The following TTC4 variants were observed in gnomAD, a reference collection of about 807,000 sequenced individuals.
TTC4 encodes the protein hsp70/Hsp90 co-chaperone CNS1 homolog.
TTC4 carries 36 observed loss-of-function variants against 51.9 expected under a neutral mutation model. That is an observed-to-expected ratio of 0.69 (90% CI 0.53 to 0.92). The LOEUF (loss-of-function observed/expected upper bound fraction) is 0.92, where lower values mean the gene tolerates loss of function less well. Among genes scored for constraint, TTC4 ranks in the 40% least tolerant of loss-of-function variants. The pLI, the probability that TTC4 is intolerant of heterozygous loss-of-function variation, is 0.00. For missense variants in TTC4, 399 were observed against 454.6 expected (o/e 0.88, Z 1.11); for synonymous variants, 144 against 164.2 (o/e 0.88, Z 0.94).
rs886121610 is a variant in TTC4 at position 54,737,712 on chromosome 1, A to G, written c.1061+48A>G. 1.2e-5 allele frequency: 18 copies of G among 1,563,236 alleles called. No homozygotes were observed. The African/African-American group carries it at 2.0e-4, about 18-fold the overall frequency. ...GTAGATTGGGGAAGATGCTCAGTGTATTAGTCCATTTTCACACTGCTGATA... is the reference window on the plus strand; with the variant it reads ...GTAGATTGGGGAAGATGCTCAGTGTGTTAGTCCATTTTCACACTGCTGATA... On this transcript the variant is annotated intron_variant, in intron 9 of 9. Coordinates refer to ENST00000371281, the MANE Select transcript of TTC4 (RefSeq NM_004623.5).
intron 3 of TTC4, among the ~76,000 whole-genome samples, chr1:54,720,352 A>G (rs1402256092): frequency 1.3e-5 from 2 of 152,106 alleles, no homozygotes; most frequent in East Asian, 1.9e-4. Flanking sequence ...TAAACCATTA[A>G]GTAATAATTA....
rs750822583 is a variant in TTC4, at chr1:54,715,926, G to A, written c.18G>A (p.Gln6=). 6.2e-7 allele frequency: 1 copy of A among 1,607,228 alleles called. No homozygotes were observed. Among genetic ancestry groups the A allele is most frequent in the Admixed American group, 1.7e-5 (1 of 59,382 alleles). Residue 6 remains glutamine (Q), a synonymous_variant, in exon 1 of 10, where the codon CAG becomes CAA. Transcript: ENST00000371281. MEQPG[Q]DPTSDDVMDS... Reference sequence around the variant, plus strand: ...CATCAGCTATGGAACAACCTGGGCAGGATCCCACCTCAGACGACGTCATGG... The same window carrying A: ...CATCAGCTATGGAACAACCTGGGCAAGATCCCACCTCAGACGACGTCATGG...
intron 6 of TTC4, among the ~76,000 whole-genome samples, chr1:54,730,009 C>T (rs905411301): frequency 7.2e-5 from 11 of 152,186 alleles, no homozygotes; most frequent in Admixed American, 1.3e-4. Context: ...GCGTGAGCCA[C>T]GGTGCCCAAC....
intron 6 of TTC4, among the ~76,000 whole-genome samples, chr1:54,730,066 C>A (rs1204697105): frequency 6.6e-6 from 1 of 152,058 alleles, no homozygotes; most frequent in Non-Finnish European, 1.5e-5. Flanking sequence ...AATTATGCAC[C>A]ATTTATGTTA....
At chr1:54,720,395 T>C (rs1645729040) in intron 3 of TTC4, among the ~76,000 whole-genome samples, 1 of 151,578 alleles carries the variant, frequency 6.6e-6, no homozygotes, top group Admixed American at 6.6e-5. Flanking sequence ...GTATACCTCA[T>C]GGCTTGCTAG....
At chr1:54,737,775 A>G in intron 9 of TTC4, 111 bp downstream of exon 9, 1 of 1,132,914 alleles carries the variant, frequency 8.8e-7, no homozygotes. Context: ...TAAAGAAAAG[A>G]GGTTTAGTGG....
chr1:54,736,320 A>AT (rs1163915514), intron 8 of TTC4, among the ~76,000 whole-genome samples: 1 of 149,462 alleles, frequency 6.7e-6, no homozygotes, highest in Non-Finnish European at 1.5e-5. Flanking sequence ...CATCCACAGG[A>AT]TTTTTTCTCC....
chr1:54,731,807 G>T, intron 7 of TTC4, 107 bp downstream of exon 7: 1 of 1,093,724 alleles, frequency 9.1e-7, no homozygotes, highest in Non-Finnish European at 1.3e-6. Flanking sequence ...TAATGGTTTA[G>T]AGGGTTTCAC....
Position 54,737,600 on chromosome 1 carries a change from G to A in TTC4, c.997G>A (p.Asp333Asn). 6.2e-7 allele frequency: 1 copy of A among 1,613,758 alleles called. No individual in the cohort carries two copies. Among genetic ancestry groups the A allele is most frequent in the Non-Finnish European group, 8.5e-7 (1 of 1,180,028 alleles). Residue 333 changes from aspartate (D) to asparagine (N), a missense_variant, in exon 9 of 10, where the codon GAC becomes AAC. Asp to Asn is a conservative substitution (Grantham distance 23). Coordinates refer to ENST00000371281, the MANE Select transcript of TTC4 (RefSeq NM_004623.5). ...CTTGCAGGTCTACTTTGAGGATGAG[G>A]ACAGGGCAGAACTATACCGGGTGCC... ...DNLEVYFEDE[D>N]RAELYRVPAK...
At chr1:54,726,039 A>C (rs1213473209) in intron 5 of TTC4, among the ~76,000 whole-genome samples, 2 of 152,254 alleles carry the variant, frequency 1.3e-5, no homozygotes, top group African/African-American at 4.8e-5. Flanking sequence ...GAGAATGGGC[A>C]AAAGAATACT....
intron 8 of TTC4, 36 bp downstream of exon 8, chr1:54,733,746 AATTTTTTTTTTTTTTT>A: frequency 9.3e-7 from 1 of 1,078,852 alleles, no homozygotes; most frequent in African/African-American, 1.7e-5. Context: ...CTATGGAATT[AATTTTTTTTTTTTTTT>A]TTTTTTTTTT....
At position 54,741,037 on chromosome 1, in the gene TTC4, T is replaced by C. The variant is rs566402978; in HGVS notation, c.1062-374T>C. On this transcript the variant is annotated intron_variant, in intron 9 of 9. Transcript: ENST00000371281. The stretch of plus-strand genomic sequence containing the variant: ...TAATTGGTTCCTCATCTCCCTCCCC[T>C]CCAGGACTGAATTTGAGAACAAAGA... Among the ~76,000 whole-genome samples, 9 of 152,290 alleles carry C rather than the reference T, an allele frequency of 5.9e-5. No homozygotes were observed. In the South Asian group the frequency reaches 1.7e-3, roughly 28 times the overall value.
chr1:54,729,382 G>A (rs1317408560), intron 6 of TTC4, among the ~76,000 whole-genome samples: 1 of 152,170 alleles, frequency 6.6e-6, no homozygotes, highest in African/African-American at 2.4e-5. Context: ...TGTTATTTAA[G>A]CTTCACAGTG....
chr1:54,716,246 T>C (rs2101285166), intron 1 of TTC4: 1 of 563,838 alleles, frequency 1.8e-6, no homozygotes, highest in East Asian at 3.1e-5. Context: ...CTGGCTCTGA[T>C]ATGAGTCAGT....
chr1:54,741,276 C>A, intron 9 of TTC4, 135 bp from the exon 10 acceptor site: 1 of 811,432 alleles, frequency 1.2e-6, no homozygotes, highest in South Asian at 1.4e-5. Context: ...TATGAACAAC[C>A]ACATAACTGT....
chr1:54,733,582 T>C (rs1645895931), intron 7 of TTC4, 47 bp from the exon 8 acceptor site: 4 of 1,456,292 alleles, frequency 2.7e-6, no homozygotes, highest in East Asian at 2.3e-5. Flanking sequence ...TGTGGGAAAA[T>C]AGATCATGAG....
Position 54,731,602 on chromosome 1 carries a change from G to A in TTC4, c.798G>A (p.Leu266=). ...LSTENPHGAR[L]SLDGQGRLSW... ...CTGAGAACCCCCATGGAGCCAGGCTGAGTCTAGATGGCCAGGGCAGGCTGA... is the reference window on the plus strand; with the variant it reads ...CTGAGAACCCCCATGGAGCCAGGCTAAGTCTAGATGGCCAGGGCAGGCTGA... The change falls in exon 7 of 10, where the codon CTG becomes CTA. Residue 266 remains leucine, a synonymous_variant. Coordinates refer to ENST00000371281, the MANE Select transcript of TTC4 (RefSeq NM_004623.5). The A allele has an allele frequency of 1.2e-6, 2 of 1,614,112 alleles. No individual in the cohort carries two copies. The highest frequency in any genetic ancestry group is 1.7e-6 in the Non-Finnish European group (2 of 1,180,022).
chr1:54,739,428 T>C (rs1204977217), intron 9 of TTC4, among the ~76,000 whole-genome samples: 1 of 152,186 alleles, frequency 6.6e-6, no homozygotes, highest in Non-Finnish European at 1.5e-5. Context: ...ATCTCTGGAA[T>C]GGGAGTAATA....
chr1:54,723,752 A>G (rs1423898450), intron 5 of TTC4, among the ~76,000 whole-genome samples: 1 of 152,214 alleles, frequency 6.6e-6, no homozygotes, highest in Non-Finnish European at 1.5e-5. Context: ...TTTAAATAAC[A>G]CCTGGAGCAC....
Sources: gnomAD v4.1 joint callset for allele counts (sites outside exome capture counted in the v4.1 genomes callset) on GRCh38, gnomAD v4.1.1 for gene constraint, MANE v1.5 for transcripts, NCBI Gene and HGNC (gene_info 2026-07-23, HGNC 2026-07-21) for gene names.